Variants in CC2D2A observed in about 807,000 individuals in gnomAD.
CC2D2A encodes coiled-coil and C2 domain-containing protein 2A.
In CC2D2A, 155 loss-of-function variants were observed where a neutral mutation model predicts 212.9. That is an observed-to-expected ratio of 0.73 (90% CI 0.64 to 0.83). CC2D2A has a LOEUF of 0.83. Ranked by LOEUF, CC2D2A falls within the 40% of genes least tolerant of loss-of-function variation. CC2D2A has a pLI of 0.00. For synonymous variants in CC2D2A, 667 were observed against 686.5 expected, an observed-to-expected ratio of 0.97 and a Z score of 0.44; for missense variants, 1,856 against 1,956.2, an observed-to-expected ratio of 0.95 and a Z score of 0.97.
At chr4:15,538,220 A>C in intron 16 of CC2D2A, 83 bp downstream of exon 16, 2 of 1,384,370 alleles carry the variant, frequency 1.4e-6, no homozygotes, top group Non-Finnish European at 1.9e-6. Flanking sequence ...CATGCACGAC[A>C]TGGGGAGTGT....
chr4:15,584,194 C>A (rs1284522341), intron 30 of CC2D2A, among the ~76,000 whole-genome samples: 4 of 151,712 alleles, frequency 2.6e-5, no homozygotes, highest in African/African-American at 9.7e-5. Context: ...TCCCAAATAG[C>A]CAATGTAACC....
chr4:15,538,191 G>A (rs554694041), intron 16 of CC2D2A, 54 bp downstream of exon 16: 87 of 1,470,498 alleles, frequency 5.9e-5, no homozygotes, highest in Middle Eastern at 4.1e-4. Flanking sequence ...ACATGTTCAC[G>A]TGGGCACATG....
chr4:15,479,570 G>T (rs1386183001), intron 3 of CC2D2A, among the ~76,000 whole-genome samples: 4 of 152,108 alleles, frequency 2.6e-5, no homozygotes, highest in Admixed American at 2.6e-4. Context: ...CACTCCTCGG[G>T]GCAATCTGGG....
At chr4:15,514,107 G>T (rs1209960120) in intron 8 of CC2D2A, among the ~76,000 whole-genome samples, 3 of 152,176 alleles carry the variant, frequency 2.0e-5, no homozygotes, top group African/African-American at 7.2e-5. Context: ...TAGCCTCTTT[G>T]CTTTGAATTT....
intron 4 of CC2D2A, among the ~76,000 whole-genome samples, chr4:15,490,782 C>T (rs566149060): frequency 2.0e-4 from 31 of 152,178 alleles, no homozygotes; most frequent in Middle Eastern, 3.4e-3. Context: ...GACAGCCTGG[C>T]GCCACACCCT....
chr4:15,470,495 C>T (rs572240494), intron 1 of CC2D2A, among the ~76,000 whole-genome samples: 7 of 152,208 alleles, frequency 4.6e-5, no homozygotes, highest in Non-Finnish European at 1.0e-4. Flanking sequence ...CCAAAGACTT[C>T]AAGAAAATGT....
intron 24 of CC2D2A, 98 bp from the exon 25 acceptor site, chr4:15,567,279 C>T: frequency 1.1e-6 from 1 of 905,402 alleles, no homozygotes; most frequent in Non-Finnish European, 1.7e-6. Flanking sequence ...GCTTGGGCGA[C>T]AGAGTGAGAC....
intron 4 of CC2D2A, among the ~76,000 whole-genome samples, chr4:15,484,623 G>C (rs1049389863): frequency 1.8e-4 from 27 of 152,230 alleles, no homozygotes; most frequent in Admixed American, 1.7e-3. Flanking sequence ...GGAAGGTAGA[G>C]ACGAACAGGT....
rs863225181 is a variant in CC2D2A at position 15,570,501 on chromosome 4, G to A, written c.3594+5G>A. On this transcript the variant is annotated splice_donor_5th_base_variant and intron_variant, in intron 28 of 36. Transcript: ENST00000424120. The stretch of plus-strand genomic sequence containing the variant: ...ACAATATATTTCCAAGCAAGGGTAA[G>A]TATCTAAAGTTAGAGGTCCATGAGA... 18 of 1,575,078 alleles carry A rather than the reference G, an allele frequency of 1.1e-5. No individual in the cohort carries two copies. Among genetic ancestry groups the A allele is most frequent in the Non-Finnish European group, 1.5e-5 (17 of 1,150,420 alleles).
chr4:15,517,260 C>T (rs1183617538), intron 11 of CC2D2A, among the ~76,000 whole-genome samples: 1 of 152,108 alleles, frequency 6.6e-6, no homozygotes, highest in African/African-American at 2.4e-5. Flanking sequence ...TGCATCCCTT[C>T]TTAAACAAGG....
intron 29 of CC2D2A, among the ~76,000 whole-genome samples, chr4:15,578,093 T>C (rs569332726): frequency 6.6e-6 from 1 of 152,224 alleles, no homozygotes; most frequent in Non-Finnish European, 1.5e-5. Context: ...ATTAGAAATC[T>C]GTGATACACC....
In CC2D2A at chr4:15,489,329, C is replaced by T. The variant is rs115076750; in HGVS notation, c.247+8502C>T. On this transcript the variant is annotated intron_variant, in intron 4 of 36. Transcript: ENST00000424120. The stretch of plus-strand genomic sequence containing the variant: ...ATAGAGGGGAGCTGCCTGAAGGAGC[C>T]GGGCCTTGGGGGTTACCTTAGTGCC... Among the ~76,000 whole-genome samples, 510 of 152,144 alleles carry T rather than the reference C, an allele frequency of 3.4e-3. 4 individuals carry two copies. The highest frequency in any genetic ancestry group is 0.011 in the African/African-American group (470 of 41,482).
intron 11 of CC2D2A, among the ~76,000 whole-genome samples, chr4:15,522,409 T>A (rs1717262837): frequency 6.6e-6 from 1 of 152,200 alleles, no homozygotes; most frequent in African/African-American, 2.4e-5. Context: ...TTAGAAATAC[T>A]ATGCTATTGA....
chr4:15,596,078 T>TG lies in CC2D2A; in HGVS notation c.4315-7_4315-6insG. ...CATATATGCTAATGTAGTCTTGTCTTTCTTAGATTTGGTTTAATATTCAAC... is the reference window on the plus strand; with the variant it reads ...CATATATGCTAATGTAGTCTTGTCTTGTCTTAGATTTGGTTTAATATTCAAC... On this transcript the variant is annotated splice_polypyrimidine_tract_variant and splice_region_variant and intron_variant, in intron 33 of 36. Transcript: ENST00000424120. 6.5e-7 allele frequency: 1 copy of TG among 1,542,426 alleles called. No homozygotes were observed. The highest frequency in any genetic ancestry group is 8.8e-7 in the Non-Finnish European group (1 of 1,141,118).
chr4:15,594,510 G>A (rs1231877329), intron 33 of CC2D2A, among the ~76,000 whole-genome samples: 1 of 152,048 alleles, frequency 6.6e-6, no homozygotes, highest in African/African-American at 2.4e-5. Context: ...CTCAGCTTCA[G>A]GTGTGTTTAT....
chr4:15,533,154 A>T, intron 13 of CC2D2A, 39 bp from the exon 14 acceptor site: 2 of 1,517,944 alleles, frequency 1.3e-6, no homozygotes, highest in South Asian at 2.6e-5. Flanking sequence ...AACACACCTG[A>T]CTTTTTAATA....
intron 35 of CC2D2A, among the ~76,000 whole-genome samples, chr4:15,598,066 G>A (rs968026337): frequency 4.6e-5 from 7 of 151,938 alleles, no homozygotes; most frequent in African/African-American, 9.7e-5. Context: ...AGAAAATATC[G>A]GTTTACACTC....
intron 17 of CC2D2A, among the ~76,000 whole-genome samples, chr4:15,547,869 G>A (rs922037399): frequency 1.6e-4 from 24 of 151,768 alleles, no homozygotes; most frequent in African/African-American, 4.6e-4. Flanking sequence ...CAGAAACCCC[G>A]TCTCTATTAA....
intron 4 of CC2D2A, among the ~76,000 whole-genome samples, chr4:15,487,196 T>A (rs1463489051): frequency 6.6e-6 from 1 of 152,156 alleles, no homozygotes; most frequent in Non-Finnish European, 1.5e-5. Flanking sequence ...TATTAGTTTG[T>A]TGATTTTCTC....
Sources: allele counts gnomAD v4.1 joint callset (sites outside exome capture counted in the v4.1 genomes callset), GRCh38; gene constraint gnomAD v4.1.1; transcripts MANE v1.5; gene names NCBI Gene and HGNC (gene_info 2026-07-23, HGNC 2026-07-21).